Variants in GADL1 observed in about 807,000 individuals in gnomAD.
GADL1 encodes the protein GAD like acidic amino acid decarboxylase 1, also known as acidic amino acid decarboxylase GADL1.
In GADL1, 71 loss-of-function variants were observed where a neutral mutation model predicts 69.5. The observed-to-expected ratio is 1.02, with a 90% confidence interval of 0.84 to 1.25. The LOEUF (loss-of-function observed/expected upper bound fraction) is 1.25, where lower values mean the gene tolerates loss of function less well. Ranked by LOEUF, GADL1 falls within the 50% of genes most tolerant of loss-of-function variation. The pLI is 0.00. For missense variants in GADL1, 737 were observed against 631.8 expected (o/e 1.17, Z -1.79); for synonymous variants, 254 against 214.4 (o/e 1.18, Z -1.62).
At chr3:30,839,198 C>T (rs1044711501) in intron 8 of GADL1, 85 bp from the exon 9 acceptor site, 4 of 828,096 alleles carry the variant, frequency 4.8e-6, no homozygotes, top group Non-Finnish European at 7.2e-6. Context: ...AAGGGTTATG[C>T]ATCCAGAGAG....
At chr3:30,775,453 T>C (rs1696515197) in intron 14 of GADL1, among the ~76,000 whole-genome samples, 1 of 152,238 alleles carries the variant, frequency 6.6e-6, no homozygotes, top group Non-Finnish European at 1.5e-5. Context: ...CCTCATAAAC[T>C]ATGTGATATA....
At chr3:30,879,843 GGTTAA>G (rs1216580230) in intron 1 of GADL1, among the ~76,000 whole-genome samples, 2 of 151,848 alleles carry the variant, frequency 1.3e-5, no homozygotes, top group Non-Finnish European at 2.9e-5. Flanking sequence ...AGGCAAAATT[GGTTAA>G]GTTAAAGGGA....
chr3:30,753,529 T>C (rs745513299), intron 14 of GADL1, among the ~76,000 whole-genome samples: 3 of 151,594 alleles, frequency 2.0e-5, no homozygotes, highest in Non-Finnish European at 2.9e-5. Context: ...AGGTGATTAA[T>C]GAAAAATCCC....
intron 12 of GADL1, chr3:30,797,675 T>C (rs566618608): frequency 6.6e-6 from 1 of 151,100 alleles, no homozygotes; most frequent in Non-Finnish European, 1.5e-5. Flanking sequence ...TTTTTGTTTT[T>C]TTTTTGTTTT....
chr3:30,801,503 A>AC (rs1391642010), intron 11 of GADL1, among the ~76,000 whole-genome samples: 1 of 152,122 alleles, frequency 6.6e-6, no homozygotes, highest in African/African-American at 2.4e-5. Context: ...AGGTTTTAAG[A>AC]CCTTCTCTCC....
chr3:30,783,856 TTTTTC>T (rs1282133077), intron 13 of GADL1, among the ~76,000 whole-genome samples: 1 of 152,104 alleles, frequency 6.6e-6, no homozygotes, highest in Non-Finnish European at 1.5e-5. Context: ...TGGTAAGTGG[TTTTTC>T]TTTTCTAAGA....
intron 1 of GADL1, among the ~76,000 whole-genome samples, chr3:30,869,320 T>G (rs1324029830): frequency 3.3e-5 from 5 of 151,800 alleles, no homozygotes; most frequent in African/African-American, 1.2e-4. Context: ...TAAAGCTATT[T>G]TAGTTGTCTT....
intron 13 of GADL1, among the ~76,000 whole-genome samples, chr3:30,782,379 G>A (rs775252430): frequency 2.0e-5 from 3 of 152,110 alleles, no homozygotes; most frequent in South Asian, 2.1e-4. Context: ...TGGGAGTGGA[G>A]AAGACTAAGC....
intron 14 of GADL1, among the ~76,000 whole-genome samples, chr3:30,777,891 C>G (rs1000106377): frequency 6.6e-6 from 1 of 152,180 alleles, no homozygotes; most frequent in African/African-American, 2.4e-5. Flanking sequence ...CATCACACAA[C>G]TTTAACCTTG....
intron 8 of GADL1, among the ~76,000 whole-genome samples, chr3:30,843,086 G>A (rs1697994823): frequency 6.6e-6 from 1 of 152,030 alleles, no homozygotes; most frequent in Non-Finnish European, 1.5e-5. Context: ...TCAGGAGCCA[G>A]GCTTTTTATT....
At chr3:30,824,501 AAT>A (rs1293475360) in intron 11 of GADL1, among the ~76,000 whole-genome samples, 3 of 83,908 alleles carry the variant, frequency 3.6e-5, no homozygotes, top group Non-Finnish European at 6.4e-5. Flanking sequence ...TGTGCACAAA[AAT>A]ACTCATAGCA....
chr3:30,878,062 T>A (rs893799652), intron 1 of GADL1, among the ~76,000 whole-genome samples: 15 of 151,900 alleles, frequency 9.9e-5, no homozygotes, highest in African/African-American at 3.1e-4. Flanking sequence ...GTCCTGGTGA[T>A]ATGCACAAAA....
intron 14 of GADL1, among the ~76,000 whole-genome samples, chr3:30,740,489 C>T (rs555423361): frequency 2.7e-5 from 4 of 149,638 alleles, no homozygotes; most frequent in African/African-American, 9.8e-5. Flanking sequence ...AAGTGATACA[C>T]GTCAAGTTAT....
intron 11 of GADL1, among the ~76,000 whole-genome samples, chr3:30,819,395 C>T (rs780058555): frequency 6.6e-6 from 1 of 152,048 alleles, no homozygotes; most frequent in Non-Finnish European, 1.5e-5. Flanking sequence ...TCATTCTGAT[C>T]ATTGAGTACA....
chr3:30,783,929 C>T (rs1159304), intron 13 of GADL1, among the ~76,000 whole-genome samples: 22,203 of 152,096 alleles, frequency 0.15, 4,260 homozygotes, highest in African/African-American at 0.43. Context: ...CTCATCACTT[C>T]CAGCTCTGTC....
chr3:30,760,012 T>C (rs1387261066), intron 14 of GADL1, among the ~76,000 whole-genome samples: 2 of 152,190 alleles, frequency 1.3e-5, no homozygotes, highest in African/African-American at 4.8e-5. Context: ...CTACCTAATA[T>C]CTCCTTTTTA....
chr3:30,849,855 T>TC, intron 6 of GADL1, 141 bp downstream of exon 6: 1 of 529,994 alleles, frequency 1.9e-6, no homozygotes, highest in Admixed American at 3.8e-5. Context: ...TAGAATTTAC[T>TC]TTGGAATGAA....
At chr3:30,894,241 C>A (rs1354528195) in intron 1 of GADL1, among the ~76,000 whole-genome samples, 2 of 152,156 alleles carry the variant, frequency 1.3e-5, no homozygotes, top group African/African-American at 4.8e-5. Flanking sequence ...GAAGCAAAAT[C>A]ATCTTTTTTA....
At chr3:30,888,629 G>A (rs902592520) in intron 1 of GADL1, among the ~76,000 whole-genome samples, 10 of 152,088 alleles carry the variant, frequency 6.6e-5, no homozygotes, top group South Asian at 2.1e-4. Flanking sequence ...AAGAGATTAG[G>A]ACTTCTCATT....
Sources: gnomAD v4.1 joint callset for allele counts (sites outside exome capture counted in the v4.1 genomes callset) on GRCh38, gnomAD v4.1.1 for gene constraint, MANE v1.5 for transcripts, NCBI Gene and HGNC (gene_info 2026-07-23, HGNC 2026-07-21) for gene names.